ITGAV: variants seen among roughly 807,000 people sequenced by gnomAD.
ITGAV encodes integrin alpha-V.
Under a neutral mutation model 143.8 loss-of-function variants are expected in ITGAV, and 76 were observed. The observed-to-expected ratio is 0.53, with a 90% CI of 0.44 to 0.64. ITGAV has a LOEUF of 0.64. Among genes scored for constraint, ITGAV ranks in the 30% least tolerant of loss-of-function variants. The pLI, the probability that ITGAV is intolerant of heterozygous loss-of-function variation, is 0.00. For synonymous variants in ITGAV, 453 were observed against 446.7 expected, an observed-to-expected ratio of 1.01 and a Z score of -0.18; for missense variants, 1,193 against 1,274.7, an observed-to-expected ratio of 0.94 and a Z score of 0.98.
rs770376700 is a variant in ITGAV, at chr2:186,667,163, G to A, written c.2260G>A (p.Asp754Asn). The change falls in exon 23 of 30, where the codon GAC (aspartate) becomes AAC (asparagine). Residue 754 changes from aspartate to asparagine, a missense_variant. By Grantham distance (23) the Asp-to-Asn change is conservative. Coordinates refer to ENST00000261023, the MANE Select transcript of ITGAV (RefSeq NM_002210.5). ...DLQIQSSNLF[D>N]KVSPVVSHKV... ...TTTCTTTTTCAGCTCAAATCTATTT[G>A]ACAAAGTAAGCCCAGTTGTATCTCA... 6.3e-7 allele frequency: 1 copy of A among 1,599,424 alleles called. No homozygotes were observed. The highest frequency in any genetic ancestry group is 1.1e-5 in the South Asian group (1 of 88,994).
Position 186,590,244 on chromosome 2 carries a change from G to T in ITGAV, c.-95G>T. On this transcript the variant is annotated 5_prime_UTR_variant, in exon 1 of 30. Coordinates refer to ENST00000261023, the MANE Select transcript of ITGAV (RefSeq NM_002210.5). ...AAGAGAGCGGCCGGCAAGTTTGGGC[G>T]CGCGCAGGCGGCGGGCCGCGGGCAC... The T allele has an allele frequency of 1.8e-6, 2 of 1,112,114 alleles. No individual in the cohort carries two copies. Among genetic ancestry groups the T allele is most frequent in the East Asian group, 3.3e-5 (1 of 30,504 alleles). The allele number at this position is 1,112,114 out of a possible 1,614,324, so 68.9% of individuals were successfully genotyped here. A position where few individuals can be genotyped will look rare whatever the true frequency, so the allele number is the denominator to read the frequency against.
In ITGAV at chr2:186,679,787, TTTCTC is replaced by T. The variant is rs1338960330; in HGVS notation, c.*2498_*2502del. ...TGTGAGTCATTTTTTCTGTTTCTCT[TTTCTC>T]TTAACGATTATCACTGTAATTCTGA... On this transcript the variant is annotated 3_prime_UTR_variant, in exon 30 of 30. Transcript: ENST00000261023. The T allele has an allele frequency of 1.3e-5, 2 of 152,036 alleles. No homozygotes were observed. The highest frequency in any genetic ancestry group is 2.4e-5 in the African/African-American group (1 of 41,446). The allele number at this position is 152,036 out of a possible 1,614,324, so 9.4% of individuals were successfully genotyped here. A position where few individuals can be genotyped will look rare whatever the true frequency, so the allele number is the denominator to read the frequency against.
intron 1 of ITGAV, among the ~76,000 whole-genome samples, chr2:186,594,643 A>G (rs1686698721): frequency 6.6e-6 from 1 of 152,208 alleles, no homozygotes; most frequent in African/African-American, 2.4e-5. Context: ...AATTTTCATA[A>G]TAAAGCTTCC....
intron 14 of ITGAV, 40 bp from the exon 15 acceptor site, chr2:186,651,942 A>G (rs1391317468): frequency 8.1e-7 from 1 of 1,232,698 alleles, no homozygotes; most frequent in African/African-American, 1.5e-5. Flanking sequence ...TAACTTTTTA[A>G]ATAATTTTTT....
intron 12 of ITGAV, 114 bp from the exon 13 acceptor site, chr2:186,646,567 TTCTTC>T: frequency 1.6e-6 from 1 of 623,250 alleles, no homozygotes; most frequent in Non-Finnish European, 2.8e-6. Flanking sequence ...TACTGAAACT[TTCTTC>T]TCTTCATCCT....
Position 186,677,316 on chromosome 2 carries a change from A to C in ITGAV, c.*24A>C. The C allele has an allele frequency of 6.5e-7, 1 of 1,539,734 alleles. No individual in the cohort carries two copies. Among genetic ancestry groups the C allele is most frequent in the South Asian group, 1.1e-5 (1 of 88,412 alleles). On this transcript the variant is annotated 3_prime_UTR_variant, in exon 30 of 30. Coordinates refer to ENST00000261023, the MANE Select transcript of ITGAV (RefSeq NM_002210.5). ...AACTGCAGTTTTTAAGTTATGCTAC[A>C]TCTTGACCCACTAGAATTAGCAACT...
rs140473956 is a variant in ITGAV at position 186,638,459 on chromosome 2, C to T, written c.897C>T (p.Gly299=). ...KNMSSLYNFT[G]EQMAAYFGFS... is the part of the protein sequence containing the mutation. Reference sequence around the variant, plus strand: ...TGTCCTCCTTATACAATTTTACTGGCGAGCAGGTATGCTTCCAAAATATGA... The same window carrying T: ...TGTCCTCCTTATACAATTTTACTGGTGAGCAGGTATGCTTCCAAAATATGA... The change falls in exon 10 of 30, where the codon GGC becomes GGT. Residue 299 remains glycine (G), a synonymous_variant. Transcript: ENST00000261023. 44 of 1,609,346 alleles carry T rather than the reference C, an allele frequency of 2.7e-5. 1 individual carries two copies. Among genetic ancestry groups the T allele is most frequent in the Middle Eastern group, 4.2e-4 (2 of 4,766 alleles).
At chr2:186,648,308 C>T (rs889966023) in intron 13 of ITGAV, among the ~76,000 whole-genome samples, 1 of 152,168 alleles carries the variant, frequency 6.6e-6, no homozygotes, top group African/African-American at 2.4e-5. Flanking sequence ...CCCACTCCCT[C>T]CACAGGAAGG....
chr2:186,623,078 A>G (rs1479348526), intron 3 of ITGAV, among the ~76,000 whole-genome samples: 1 of 152,124 alleles, frequency 6.6e-6, no homozygotes, highest in Non-Finnish European at 1.5e-5. Flanking sequence ...CAAAGAAAAA[A>G]AAATAACAAC....
chr2:186,626,499 A>C (rs1342055184), intron 4 of ITGAV, among the ~76,000 whole-genome samples: 3 of 152,190 alleles, frequency 2.0e-5, no homozygotes, highest in Non-Finnish European at 2.9e-5. Flanking sequence ...AGTTTATTAG[A>C]GAAAATTAGT....
At position 186,633,334 on chromosome 2, in the gene ITGAV, C is replaced by G. The variant is rs1185509402; in HGVS notation, c.591C>G (p.Asp197Glu). The stretch of plus-strand genomic sequence containing the variant: ...TGTTGTGTGATTTCATCTAGGCTGA[C>G]AGAGTACTTCTTGGTGGTCCTGGTA... ...GGFSIDFTKA[D>E]RVLLGGPGSF... Residue 197 changes from aspartate (D) to glutamate (E), a missense_variant, in exon 6 of 30, where the codon GAC becomes GAG. Asp to Glu is a conservative substitution (Grantham distance 45). Coordinates refer to ENST00000261023, the MANE Select transcript of ITGAV (RefSeq NM_002210.5). The G allele has an allele frequency of 6.3e-7, 1 of 1,580,812 alleles. No homozygotes were observed. The highest frequency in any genetic ancestry group is 1.1e-5 in the South Asian group (1 of 88,148).
chr2:186,595,952 T>TGA (rs1686739138), intron 1 of ITGAV, among the ~76,000 whole-genome samples: 1 of 152,188 alleles, frequency 6.6e-6, no homozygotes, highest in Non-Finnish European at 1.5e-5. Flanking sequence ...GTTAATCACT[T>TGA]GACCATTAAT....
At chr2:186,640,630 A>G (rs552075610) in intron 10 of ITGAV, among the ~76,000 whole-genome samples, 1 of 152,154 alleles carries the variant, frequency 6.6e-6, no homozygotes, top group African/African-American at 2.4e-5. Context: ...AGGAGAATTG[A>G]TAGTCCTTAG....
At chr2:186,652,167 G>T in intron 15 of ITGAV, 78 bp downstream of exon 15, 1 of 879,534 alleles carries the variant, frequency 1.1e-6, no homozygotes, top group Non-Finnish European at 1.9e-6. Context: ...AATGAAGGTG[G>T]TAGGGCTGAA....
intron 1 of ITGAV, among the ~76,000 whole-genome samples, chr2:186,600,620 C>G (rs1055453029): frequency 6.6e-6 from 1 of 152,094 alleles, no homozygotes; most frequent in African/African-American, 2.4e-5. Flanking sequence ...TATTTATTGG[C>G]TAGTTTCTTG....
intron 3 of ITGAV, among the ~76,000 whole-genome samples, chr2:186,624,638 T>C (rs1045134539): frequency 3.9e-5 from 6 of 152,212 alleles, no homozygotes; most frequent in African/African-American, 1.2e-4. Flanking sequence ...CAATTAAACC[T>C]TTTTCACTAA....
At chr2:186,634,756 A>C (rs1327411411) in intron 6 of ITGAV, among the ~76,000 whole-genome samples, 1 of 152,214 alleles carries the variant, frequency 6.6e-6, no homozygotes, top group Non-Finnish European at 1.5e-5. Flanking sequence ...CAAAAATAGC[A>C]GTTCTAAAGT....
At position 186,621,646 on chromosome 2, in the gene ITGAV, T is replaced by C. The variant is rs367665079; in HGVS notation, c.317-693T>C. Among the ~76,000 whole-genome samples the C allele has an allele frequency of 1.6e-4, 25 of 152,358 alleles. 1 individual carries two copies. The East Asian group carries it at 3.1e-3, about 19-fold the overall frequency. On this transcript the variant is annotated intron_variant, in intron 2 of 29. Coordinates refer to ENST00000261023, the MANE Select transcript of ITGAV (RefSeq NM_002210.5). The stretch of plus-strand genomic sequence containing the variant: ...TTCCTACTCTTTTTGTCTTTCATGA[T>C]ATTGACAATTTTGAGGACTCTATCC...
chr2:186,628,249 T>C (rs1687726815), intron 4 of ITGAV, among the ~76,000 whole-genome samples: 1 of 152,186 alleles, frequency 6.6e-6, no homozygotes, highest in Non-Finnish European at 1.5e-5. Flanking sequence ...ACTACACTGC[T>C]AACTTTTTAA....
Sources: allele counts gnomAD v4.1 joint callset (sites outside exome capture counted in the v4.1 genomes callset), GRCh38; gene constraint gnomAD v4.1.1; transcripts MANE v1.5; gene names NCBI Gene and HGNC (gene_info 2026-07-23, HGNC 2026-07-21).